DEK: variants seen among roughly 807,000 people sequenced by gnomAD.
DEK encodes protein DEK.
In DEK, 28 loss-of-function variants were observed where a neutral mutation model predicts 46.8. The ratio of observed to expected loss-of-function variants is 0.60; its 90% CI spans 0.44 to 0.82. DEK has a LOEUF of 0.82. Ranked by LOEUF, DEK falls within the 40% of genes least tolerant of loss-of-function variation. The pLI is 0.00. For synonymous variants in DEK, 160 were observed against 144.5 expected, an observed-to-expected ratio of 1.11 and a Z score of -0.77; for missense variants, 416 against 430.6, an observed-to-expected ratio of 0.97 and a Z score of 0.30.
chr6:18,228,699 T>G (rs1186776484), intron 9 of DEK, among the ~76,000 whole-genome samples: 4 of 152,158 alleles, frequency 2.6e-5, no homozygotes, highest in Non-Finnish European at 2.9e-5. Flanking sequence ...TCCAACAATC[T>G]TAGCAAACGG....
chr6:18,236,325 G>A (rs995738547), intron 9 of DEK, 127 bp downstream of exon 9: 1 of 966,678 alleles, frequency 1.0e-6, no homozygotes, highest in Non-Finnish European at 1.5e-6. Flanking sequence ...AGGAGATCTG[G>A]CATATAGTAG....
rs1012672139 is a variant in DEK, at chr6:18,259,339, G to C, written c.146-934C>G. 2.3e-5 allele frequency among the ~76,000 whole-genome samples: 3 copies of C among 131,890 alleles called. No individual in the cohort carries two copies. In the Admixed American group the frequency reaches 2.7e-4, roughly 12 times the overall value. 86.5% of individuals were successfully genotyped at this position (131,890 alleles called of 152,430 possible). The stretch of plus-strand genomic sequence containing the variant: ...GAACCCAGGAGGCGGAGCTTGCAGT[G>C]AGCCGAGATCGCACCACTGCACCTC... On this transcript the variant is annotated intron_variant, in intron 2 of 10. Transcript: ENST00000652689.
chr6:18,249,370 G>C (rs1348407511), intron 7 of DEK, among the ~76,000 whole-genome samples: 1 of 152,036 alleles, frequency 6.6e-6, no homozygotes, highest in Admixed American at 6.6e-5. Flanking sequence ...CACCACTTCC[G>C]CTTCCCTTCC....
Position 18,225,739 on chromosome 6 carries a change from A to G in DEK, c.1117-9T>C. The G allele has an allele frequency of 6.2e-7, 1 of 1,613,236 alleles. No homozygotes were observed. Among genetic ancestry groups the G allele is most frequent in the Non-Finnish European group, 8.5e-7 (1 of 1,179,544 alleles). On this transcript the variant is annotated splice_polypyrimidine_tract_variant and intron_variant, in intron 10 of 10. Coordinates refer to ENST00000652689, the MANE Select transcript of DEK (RefSeq NM_003472.4). Reference sequence around the variant, plus strand: ...CTATCTCAAGAAATTAGCTGTAATGAAAGAGAAACATTATTTTGCCATAAA... The same window carrying G: ...CTATCTCAAGAAATTAGCTGTAATGGAAGAGAAACATTATTTTGCCATAAA...
At position 18,236,502 on chromosome 6, in the gene DEK, G is replaced by C; in HGVS notation, c.997C>G (p.Leu333Val). 6.2e-7 allele frequency: 1 copy of C among 1,607,464 alleles called. No individual in the cohort carries two copies. The highest frequency in any genetic ancestry group is 8.5e-7 in the Non-Finnish European group (1 of 1,178,044). ...EELKETIKKL[L>V]ASANLEEVTM... ...ACTTCTTCCAAGTTAGCACTGGCCA[G>C]TAATTTCTTTATTGTTTCCTTTAAC... Residue 333 changes from leucine to valine, a missense_variant, in exon 9 of 11, where the codon CTG (leucine) becomes GTG (valine). Coordinates refer to ENST00000652689, the MANE Select transcript of DEK (RefSeq NM_003472.4).
At chr6:18,258,470 T>C (rs1308590555) in intron 2 of DEK, 65 bp from the exon 3 acceptor site, 2 of 1,252,426 alleles carry the variant, frequency 1.6e-6, no homozygotes. Flanking sequence ...CTTTATTAGA[T>C]ACACATGTAG....
At chr6:18,244,760 T>C (rs905679434) in intron 7 of DEK, among the ~76,000 whole-genome samples, 7 of 152,250 alleles carry the variant, frequency 4.6e-5, no homozygotes, top group Admixed American at 3.9e-4. Context: ...GGTTTTAGTA[T>C]GGTGATTATT....
intron 2 of DEK, among the ~76,000 whole-genome samples, chr6:18,261,013 C>CCTCTACTA (rs1366499480): frequency 1.4e-5 from 2 of 147,338 alleles, no homozygotes; most frequent in African/African-American, 5.0e-5. Flanking sequence ...AGAAAGAAAA[C>CCTCTACTA]CTCTACTAGG....
At chr6:18,235,892 C>T (rs1790627303) in intron 9 of DEK, among the ~76,000 whole-genome samples, 1 of 152,202 alleles carries the variant, frequency 6.6e-6, no homozygotes, top group Non-Finnish European at 1.5e-5. Context: ...AAAGCACAGA[C>T]TATTTCACTT....
chr6:18,251,701 G>A (rs572920950), intron 6 of DEK, among the ~76,000 whole-genome samples: 7 of 152,272 alleles, frequency 4.6e-5, no homozygotes, highest in Admixed American at 3.9e-4. Context: ...TTGGAGAAAA[G>A]GTAACTCTCA....
intron 6 of DEK, among the ~76,000 whole-genome samples, chr6:18,253,337 C>G (rs1437774845): frequency 6.6e-6 from 1 of 152,184 alleles, no homozygotes; most frequent in African/African-American, 2.4e-5. Flanking sequence ...GTTATGATTT[C>G]AAGTGGGAAC....
At chr6:18,251,316 A>G (rs563460240) in intron 6 of DEK, among the ~76,000 whole-genome samples, 5 of 152,204 alleles carry the variant, frequency 3.3e-5, no homozygotes, top group Non-Finnish European at 5.9e-5. Context: ...ACTTTAGGCA[A>G]TATTTTTCTT....
intron 7 of DEK, chr6:18,244,474 A>T: frequency 8.5e-7 from 1 of 1,178,406 alleles, no homozygotes; most frequent in Non-Finnish European, 1.1e-6. Flanking sequence ...TTTTTGAAGG[A>T]AGGCAAAAAA....
chr6:18,262,832 T>C (rs1036840967), intron 2 of DEK, among the ~76,000 whole-genome samples: 6 of 152,062 alleles, frequency 3.9e-5, no homozygotes, highest in African/African-American at 1.5e-4. Flanking sequence ...AGCCATGCTT[T>C]ACTTAAATAT....
chr6:18,262,013 C>T (rs1412375894), intron 2 of DEK, among the ~76,000 whole-genome samples: 2 of 152,110 alleles, frequency 1.3e-5, no homozygotes, highest in African/African-American at 2.4e-5. Flanking sequence ...ATCATGGGGG[C>T]AGATCCCTCA....
intron 9 of DEK, among the ~76,000 whole-genome samples, chr6:18,228,876 A>C (rs1463251351): frequency 6.6e-6 from 1 of 152,214 alleles, no homozygotes; most frequent in East Asian, 1.9e-4. Context: ...GCTGCGAGGA[A>C]GCTCGAACTG....
chr6:18,228,445 A>G (rs1790232604), intron 9 of DEK, among the ~76,000 whole-genome samples: 1 of 151,680 alleles, frequency 6.6e-6, no homozygotes, highest in Non-Finnish European at 1.5e-5. Context: ...TCCCACCGTG[A>G]GCGACGCAGA....
At chr6:18,229,266 C>G (rs1302098892) in intron 9 of DEK, among the ~76,000 whole-genome samples, 1 of 152,164 alleles carries the variant, frequency 6.6e-6, no homozygotes, top group African/African-American at 2.4e-5. Context: ...GTAGATAAAA[C>G]CACAAAGATG....
At chr6:18,257,902 T>TTCCA (rs758796281) in intron 4 of DEK, 51 bp downstream of exon 4, 1 of 1,324,502 alleles carries the variant, frequency 7.6e-7, no homozygotes, top group South Asian at 1.4e-5. Flanking sequence ...CAGAAATTGA[T>TTCCA]TCCATTGTGA....
Sources: gnomAD v4.1 joint callset for allele counts (sites outside exome capture counted in the v4.1 genomes callset) on GRCh38, gnomAD v4.1.1 for gene constraint, MANE v1.5 for transcripts, NCBI Gene and HGNC (gene_info 2026-07-23, HGNC 2026-07-21) for gene names.